IQGAP3: variants seen among roughly 807,000 people sequenced by gnomAD.
IQGAP3 encodes the protein IQ motif containing GTPase activating protein 3, also known as ras GTPase-activating-like protein IQGAP3.
A neutral mutation model predicts 208.2 loss-of-function variants in IQGAP3; 165 were observed. The observed-to-expected ratio is 0.79, with a 90% CI of 0.70 to 0.90. The LOEUF (loss-of-function observed/expected upper bound fraction) is 0.90, where lower values mean the gene tolerates loss of function less well. Among genes scored for constraint, IQGAP3 ranks in the 40% least tolerant of loss-of-function variants. The pLI is 0.00. For synonymous variants in IQGAP3, 703 were observed against 803.6 expected (o/e 0.87, Z 2.12); for missense variants, 1,811 against 2,043.1 (o/e 0.89, Z 2.19).
In IQGAP3 at chr1:156,563,461, G is replaced by C. The variant is rs1235283142; in HGVS notation, c.619+92C>G. Reference sequence around the variant, plus strand: ...GCCTGATGGCCCTATCTGTGGATGAGAGCTGGCCAGAACCCATCCAATGGC... The same window carrying C: ...GCCTGATGGCCCTATCTGTGGATGACAGCTGGCCAGAACCCATCCAATGGC... On this transcript the variant is annotated intron_variant, in intron 7 of 37. Coordinates refer to ENST00000361170, the MANE Select transcript of IQGAP3 (RefSeq NM_178229.5). 3 of 1,336,330 alleles carry C rather than the reference G, an allele frequency of 2.2e-6. No homozygotes were observed. In the East Asian group the frequency reaches 7.6e-5, roughly 34 times the overall value. 82.8% of individuals were successfully genotyped at this position (1,336,330 alleles called of 1,614,324 possible). A position where few individuals can be genotyped will look rare whatever the true frequency, so the allele number is the denominator to read the frequency against.
At chr1:156,545,503 C>CTTT (rs34641885) in intron 19 of IQGAP3, among the ~76,000 whole-genome samples, 1,526 of 142,504 alleles carry the variant, frequency 0.011, 35 homozygotes, top group African/African-American at 0.033. Context: ...TACTTCCTGT[C>CTTT]TTTTTTTTTT....
In IQGAP3 at chr1:156,551,685, C is replaced by A. The variant is rs1334162474; in HGVS notation, c.1734+20G>T. ...TGTTCTTCCTGCTCTGATGACCAACCCAACCAGCCCTAACTTCACCTGGGC... is the reference window on the plus strand; with the variant it reads ...TGTTCTTCCTGCTCTGATGACCAACACAACCAGCCCTAACTTCACCTGGGC... On this transcript the variant is annotated intron_variant, in intron 15 of 37. Coordinates refer to ENST00000361170, the MANE Select transcript of IQGAP3 (RefSeq NM_178229.5). 2 of 1,597,092 alleles carry A rather than the reference C, an allele frequency of 1.3e-6. No homozygotes were observed. The highest frequency in any genetic ancestry group is 1.7e-6 in the Non-Finnish European group (2 of 1,172,018).
At chr1:156,571,402 A>C (rs918139415) in intron 1 of IQGAP3, among the ~76,000 whole-genome samples, 1 of 152,208 alleles carries the variant, frequency 6.6e-6, no homozygotes, top group Non-Finnish European at 1.5e-5. Flanking sequence ...CATATTCTGC[A>C]ATGATTCAGG....
At position 156,531,209 on chromosome 1, in the gene IQGAP3, G is replaced by A. The variant is rs1250582381; in HGVS notation, c.4142C>T (p.Pro1381Leu). 1 of 1,613,974 alleles carries A rather than the reference G, an allele frequency of 6.2e-7. No homozygotes were observed. The highest frequency in any genetic ancestry group is 2.2e-5 in the East Asian group (1 of 44,852). The change falls in exon 33 of 38, where the codon CCT becomes CTT. Residue 1381 changes from proline (P) to leucine (L), a missense_variant. Transcript: ENST00000361170. The stretch of plus-strand genomic sequence containing the variant: ...CAGGATCTCCTTGAGGGTGTCCCCA[G>A]GATGGAACTGTATGATATCGGCCAA... ...QLLADIIQFH[P>L]GDTLKEILSL...
chr1:156,569,477 C>A lies in IQGAP3; in HGVS notation c.38-14G>T. ...TGAGGCGTTCATCTGAGGAGTTAAACGGGATAAGGTCAATGAAGAGAGCAT... is the reference window on the plus strand; with the variant it reads ...TGAGGCGTTCATCTGAGGAGTTAAAAGGGATAAGGTCAATGAAGAGAGCAT... On this transcript the variant is annotated splice_polypyrimidine_tract_variant and intron_variant, in intron 1 of 37. Transcript: ENST00000361170. The A allele has an allele frequency of 6.4e-7, 1 of 1,551,860 alleles. No homozygotes were observed. The highest frequency in any genetic ancestry group is 8.8e-7 in the Non-Finnish European group (1 of 1,135,220).
chr1:156,554,123 TG>T (rs369099159), intron 13 of IQGAP3, 111 bp downstream of exon 13: 1 of 1,330,590 alleles, frequency 7.5e-7, no homozygotes, highest in Non-Finnish European at 1.0e-6. Context: ...AGGGTGGGCC[TG>T]GGCCCAAGAA....
intron 2 of IQGAP3, among the ~76,000 whole-genome samples, chr1:156,567,496 C>T (rs1676462389): frequency 6.6e-6 from 1 of 152,166 alleles, no homozygotes; most frequent in South Asian, 2.1e-4. Flanking sequence ...ATCAAATGAG[C>T]TAATGAATGT....
rs745895086 is a variant in IQGAP3 at position 156,534,543 on chromosome 1, C to T, written c.3698G>A (p.Arg1233Gln). The T allele has an allele frequency of 1.6e-5, 26 of 1,604,420 alleles. No individual in the cohort carries two copies. The East Asian group carries it at 2.5e-4, about 15-fold the overall frequency. Residue 1233 changes from arginine (R) to glutamine (Q), a missense_variant, in exon 29 of 38, where the codon CGG (arginine) becomes CAG (glutamine). By Grantham distance (43) the Arg-to-Gln change is conservative (BLOSUM62 1). Transcript: ENST00000361170. ...KAFSGQSQHL[R>Q]VLNDYLEETH... ...TTCCTCCAGATAGTCATTCAGGACC[C>T]GTAGGTGCTGGCTCTGCCCAGAGAA...
intron 2 of IQGAP3, among the ~76,000 whole-genome samples, chr1:156,567,412 T>C (rs1385680096): frequency 6.6e-6 from 1 of 152,218 alleles, no homozygotes; most frequent in Non-Finnish European, 1.5e-5. Flanking sequence ...ACTTCACCTC[T>C]GTGAGCCTCA....
At chr1:156,527,307 C>T (rs1217255379) in intron 37 of IQGAP3, among the ~76,000 whole-genome samples, 3 of 151,550 alleles carry the variant, frequency 2.0e-5, no homozygotes, top group South Asian at 2.1e-4. Flanking sequence ...TGGTGAAACC[C>T]CATCTCTACT....
intron 11 of IQGAP3, 79 bp from the exon 12 acceptor site, chr1:156,556,772 C>A (rs2489138): frequency 0.32 from 417,771 of 1,315,286 alleles, 70,550 homozygotes; most frequent in East Asian, 0.54. Flanking sequence ...CTAGGCTCCG[C>A]CGGGGGATCT....
intron 7 of IQGAP3, 68 bp downstream of exon 7, chr1:156,563,485 G>GCT (rs1676256972): frequency 4.3e-6 from 6 of 1,407,580 alleles, no homozygotes; most frequent in Admixed American, 2.0e-5. Flanking sequence ...CCATCCAATG[G>GCT]CTGTGAGGCT....
chr1:156,539,787 C>T, intron 24 of IQGAP3, 51 bp downstream of exon 24: 2 of 1,604,774 alleles, frequency 1.2e-6, no homozygotes, highest in Non-Finnish European at 1.7e-6. Flanking sequence ...CTTGAAGTCT[C>T]AGACCCTCAG....
In IQGAP3 at chr1:156,548,152, C is replaced by A. The variant is rs371514554; in HGVS notation, c.2225G>T (p.Arg742Leu). The A allele has an allele frequency of 6.2e-7, 1 of 1,613,874 alleles. No individual in the cohort carries two copies. The highest frequency in any genetic ancestry group is 8.5e-7 in the Non-Finnish European group (1 of 1,179,948). ...GFVIQLQARL[R>L]GFLVRQKFAE... ...AAACTTCTGCCGAACTAGGAAGCCA[C>A]GGAGGCGGGCCTGGAGCTGGATAAC... Residue 742 changes from arginine to leucine, a missense_variant, in exon 19 of 38, where the codon CGT becomes CTT. Physicochemically the swap from Arg to Leu is moderately radical, Grantham distance 102 (BLOSUM62 -2). Coordinates refer to ENST00000361170, the MANE Select transcript of IQGAP3 (RefSeq NM_178229.5).
chr1:156,557,179 A>C (rs867497347), intron 11 of IQGAP3, among the ~76,000 whole-genome samples: 5,184 of 6,098 alleles, frequency 0.85, 2,537 homozygotes, highest in Middle Eastern at 1. Context: ...GGTCAGCCCC[A>C]CGCCCGGCCA....
intron 1 of IQGAP3, among the ~76,000 whole-genome samples, chr1:156,570,979 G>A (rs1182021583): frequency 6.6e-6 from 1 of 152,166 alleles, no homozygotes; most frequent in Non-Finnish European, 1.5e-5. Context: ...GTCCAACAGA[G>A]GGAAACATGC....
Position 156,530,157 on chromosome 1 carries a change from C to T in IQGAP3, c.4352G>A (p.Gly1451Glu), listed in dbSNP as rs1172892876. 1.2e-6 allele frequency: 2 copies of T among 1,610,730 alleles called. No individual in the cohort carries two copies. The highest frequency in any genetic ancestry group is 1.7e-5 in the Admixed American group (1 of 59,476). Reference sequence around the variant, plus strand: ...GTAGCCATTTCTGGCGCTGACCAACCCCAGGGCTTCAAGTCGGCGTAGGTT... The same window carrying T: ...GTAGCCATTTCTGGCGCTGACCAACTCCAGGGCTTCAAGTCGGCGTAGGTT... ...LRNLRRLEAL[G>E]LVSARNGYQG... The change falls in exon 34 of 38, where the codon GGG becomes GAG. Residue 1451 changes from glycine to glutamate, a missense_variant. By Grantham distance (98) the Gly-to-Glu change is moderately conservative. Transcript: ENST00000361170.
At chr1:156,543,535 G>A (rs1675084194) in intron 22 of IQGAP3, among the ~76,000 whole-genome samples, 1 of 152,184 alleles carries the variant, frequency 6.6e-6, no homozygotes, top group Non-Finnish European at 1.5e-5. Flanking sequence ...CTTTAAATGA[G>A]CACCCAACTA....
chr1:156,571,607 A>G (rs1676647578), intron 1 of IQGAP3, among the ~76,000 whole-genome samples: 1 of 152,256 alleles, frequency 6.6e-6, no homozygotes, highest in African/African-American at 2.4e-5. Context: ...GAATGACATC[A>G]TCTCAGAGTT....
Sources: gnomAD v4.1 joint callset for allele counts (sites outside exome capture counted in the v4.1 genomes callset) on GRCh38, gnomAD v4.1.1 for gene constraint, MANE v1.5 for transcripts, NCBI Gene and HGNC (gene_info 2026-07-23, HGNC 2026-07-21) for gene names.